The following ARHGAP24 variants were observed in gnomAD, a reference collection of about 807,000 sequenced individuals.
ARHGAP24 encodes rho GTPase-activating protein 24.
In ARHGAP24, 50 loss-of-function variants were observed where a neutral mutation model predicts 76.4. That is an observed-to-expected ratio of 0.65 (90% CI 0.52 to 0.83). ARHGAP24 has a LOEUF of 0.83. Ranked by LOEUF, ARHGAP24 falls within the 40% of genes least tolerant of loss-of-function variation. The pLI, the probability that ARHGAP24 is intolerant of heterozygous loss-of-function variation, is 0.00. For missense variants in ARHGAP24, 930 were observed against 914.2 expected (o/e 1.02, Z -0.22); for synonymous variants, 345 against 323.3 (o/e 1.07, Z -0.72).
chr4:85,835,532 G>C (rs1407258487), intron 3 of ARHGAP24, among the ~76,000 whole-genome samples: 2 of 144,584 alleles, frequency 1.4e-5, no homozygotes, highest in Admixed American at 6.9e-5. Flanking sequence ...CTCCAGCCTG[G>C]GTGACAGAGT....
At chr4:85,785,144 A>T (rs568568697) in intron 3 of ARHGAP24, among the ~76,000 whole-genome samples, 10 of 152,134 alleles carry the variant, frequency 6.6e-5, no homozygotes, top group African/African-American at 2.4e-4. Flanking sequence ...TGTGTTACTC[A>T]GTTTCAGGGT....
chr4:85,959,641 T>C (rs1252214888), intron 5 of ARHGAP24, among the ~76,000 whole-genome samples: 2 of 152,244 alleles, frequency 1.3e-5, no homozygotes, highest in Non-Finnish European at 2.9e-5. Context: ...TTTTTGGCTA[T>C]TATCAATAAG....
chr4:85,914,361 T>C (rs746889057), intron 3 of ARHGAP24, among the ~76,000 whole-genome samples: 2 of 152,200 alleles, frequency 1.3e-5, no homozygotes, highest in Non-Finnish European at 2.9e-5. Flanking sequence ...CCAGCAGGCA[T>C]CTTAAAAGCA....
At chr4:85,844,396 T>A (rs1042306904) in intron 3 of ARHGAP24, among the ~76,000 whole-genome samples, 3 of 152,210 alleles carry the variant, frequency 2.0e-5, no homozygotes, top group Non-Finnish European at 4.4e-5. Flanking sequence ...ATACATAAAC[T>A]TTCCCCCTAA....
chr4:85,478,399 T>C (rs1722685863), intron 1 of ARHGAP24, among the ~76,000 whole-genome samples: 1 of 152,222 alleles, frequency 6.6e-6, no homozygotes, highest in Non-Finnish European at 1.5e-5. Context: ...TTTACAAGGT[T>C]CTGATGGCTT....
chr4:85,877,799 T>C (rs1733026301), intron 3 of ARHGAP24, among the ~76,000 whole-genome samples: 2 of 152,190 alleles, frequency 1.3e-5, no homozygotes, highest in Admixed American at 6.5e-5. Flanking sequence ...ATTCAGAGTT[T>C]AATTCATTTA....
intron 3 of ARHGAP24, among the ~76,000 whole-genome samples, chr4:85,854,906 G>A (rs1197540985): frequency 6.6e-6 from 1 of 152,194 alleles, no homozygotes; most frequent in Non-Finnish European, 1.5e-5. Flanking sequence ...CTAAAGTTCT[G>A]AAGTTGTCCC....
At chr4:85,526,869 A>T (rs6819986) in intron 1 of ARHGAP24, among the ~76,000 whole-genome samples, 16,945 of 152,196 alleles carry the variant, frequency 0.11, 3,034 homozygotes, top group African/African-American at 0.38. Flanking sequence ...ATGCATACGT[A>T]TAATGTAGTC....
At chr4:85,768,218 A>C (rs17010816) in intron 3 of ARHGAP24, among the ~76,000 whole-genome samples, 75,862 of 152,036 alleles carry the variant, frequency 0.5, 22,341 homozygotes, top group Non-Finnish European at 0.68. Context: ...TAACAGTTTG[A>C]TTTATTTTTT....
chr4:85,922,944 A>G (rs1447272543), intron 3 of ARHGAP24, among the ~76,000 whole-genome samples: 1 of 152,222 alleles, frequency 6.6e-6, no homozygotes, highest in Admixed American at 6.5e-5. Context: ...GAAACCATCA[A>G]GATTTTGCAC....
At chr4:85,811,750 T>A (rs1297955797) in intron 3 of ARHGAP24, among the ~76,000 whole-genome samples, 1 of 152,180 alleles carries the variant, frequency 6.6e-6, no homozygotes, top group African/African-American at 2.4e-5. Flanking sequence ...CAGAGAAAAA[T>A]CAAAACATGT....
intron 3 of ARHGAP24, among the ~76,000 whole-genome samples, chr4:85,874,782 A>AT (rs1560687911): frequency 1.7e-5 from 1 of 58,702 alleles, no homozygotes; most frequent in African/African-American, 7.2e-5. Context: ...TATAAAATAT[A>AT]TTTATATATA....
intron 3 of ARHGAP24, among the ~76,000 whole-genome samples, chr4:85,883,172 G>A (rs946609801): frequency 2.0e-5 from 3 of 152,126 alleles, no homozygotes; most frequent in Non-Finnish European, 2.9e-5. Flanking sequence ...GCAGAAGTTC[G>A]CATATAATGA....
chr4:85,805,985 A>G (rs892908886), intron 3 of ARHGAP24, among the ~76,000 whole-genome samples: 3 of 152,198 alleles, frequency 2.0e-5, no homozygotes, highest in Non-Finnish European at 4.4e-5. Flanking sequence ...CAGGTTAAGT[A>G]TCTCTTCTTC....
At chr4:85,774,398 C>T (rs1727233179) in intron 3 of ARHGAP24, among the ~76,000 whole-genome samples, 1 of 152,194 alleles carries the variant, frequency 6.6e-6, no homozygotes, top group South Asian at 2.1e-4. Context: ...ATTTAGAAAA[C>T]ATATGTTGCA....
At chr4:85,722,829 G>A (rs994720706) in intron 3 of ARHGAP24, among the ~76,000 whole-genome samples, 1 of 152,182 alleles carries the variant, frequency 6.6e-6, no homozygotes, top group Non-Finnish European at 1.5e-5. Flanking sequence ...GGTAAGTAAT[G>A]TGGAGTTCTT....
chr4:85,957,596 C>T (rs1446451176), intron 5 of ARHGAP24, among the ~76,000 whole-genome samples: 2 of 152,154 alleles, frequency 1.3e-5, no homozygotes, highest in Non-Finnish European at 2.9e-5. Flanking sequence ...TTCTGTGGCA[C>T]CTTAAATTAC....
intron 1 of ARHGAP24, among the ~76,000 whole-genome samples, chr4:85,516,100 G>A (rs1337308470): frequency 6.6e-6 from 1 of 152,184 alleles, no homozygotes. Flanking sequence ...TTTTCTGCAG[G>A]TACTCTGGTT....
rs10645010 is a variant in ARHGAP24, at chr4:85,859,212, T to TACACACACACACAC, written c.269-64418_269-64405dup. On this transcript the variant is annotated intron_variant, in intron 3 of 9. Transcript: ENST00000395184. ...ATACACACATACATAGCCACATGCA[T>TACACACACACACAC]ACACACACACACACACACACACACA... Among the ~76,000 whole-genome samples the TACACACACACACAC allele has an allele frequency of 4.9e-3, 718 of 145,520 alleles. 4 individuals are homozygous for TACACACACACACAC. The highest frequency in any genetic ancestry group is 7.8e-3 in the African/African-American group (308 of 39,522).
Sources: allele counts gnomAD v4.1 joint callset (sites outside exome capture counted in the v4.1 genomes callset), GRCh38; gene constraint gnomAD v4.1.1; transcripts MANE v1.5; gene names NCBI Gene and HGNC (gene_info 2026-07-23, HGNC 2026-07-21).